Variants in CCDC85A observed in about 807,000 individuals in gnomAD.
The protein encoded by CCDC85A is coiled-coil domain containing 85A.
Under a neutral mutation model 50.2 loss-of-function variants are expected in CCDC85A, and 38 were observed. The ratio of observed to expected loss-of-function variants is 0.76; its 90% CI spans 0.58 to 0.99. CCDC85A has a LOEUF of 0.99. CCDC85A is among the 50% of genes least tolerant of loss of function. CCDC85A has a pLI of 0.00. For synonymous variants in CCDC85A, 366 were observed against 301.4 expected, an observed-to-expected ratio of 1.21 and a Z score of -2.22; for missense variants, 820 against 742.0, an observed-to-expected ratio of 1.11 and a Z score of -1.22.
chr2:56,215,056 G>A (rs191985948), intron 2 of CCDC85A, among the ~76,000 whole-genome samples: 11 of 152,004 alleles, frequency 7.2e-5, no homozygotes, highest in Admixed American at 3.9e-4. Context: ...TCTTTCATCA[G>A]AGTTTTGTAG....
chr2:56,267,292 C>A (rs936054274), intron 2 of CCDC85A, among the ~76,000 whole-genome samples: 6 of 152,038 alleles, frequency 3.9e-5, no homozygotes, highest in African/African-American at 1.5e-4. Flanking sequence ...GCTCCCTGGG[C>A]AGATCTCTTT....
chr2:56,218,394 T>G (rs1668178922), intron 2 of CCDC85A, among the ~76,000 whole-genome samples: 1 of 151,844 alleles, frequency 6.6e-6, no homozygotes, highest in African/African-American at 2.4e-5. Flanking sequence ...GAAAAAACGC[T>G]TAAAATTCAA....
intron 1 of CCDC85A, among the ~76,000 whole-genome samples, chr2:56,187,410 C>G (rs1676096511): frequency 1.3e-5 from 2 of 152,116 alleles, no homozygotes; most frequent in Admixed American, 1.3e-4. Context: ...TTTTCAGGGG[C>G]CTGTGGCCGG....
At chr2:56,276,600 C>G (rs1252646803) in intron 2 of CCDC85A, among the ~76,000 whole-genome samples, 2 of 152,086 alleles carry the variant, frequency 1.3e-5, no homozygotes, top group South Asian at 4.1e-4. Context: ...GTGAGATGTG[C>G]CTTTCACCTT....
At chr2:56,340,507 C>G (rs1674306493) in intron 2 of CCDC85A, among the ~76,000 whole-genome samples, 1 of 152,118 alleles carries the variant, frequency 6.6e-6, no homozygotes, top group South Asian at 2.1e-4. Flanking sequence ...GTTCTTGCCC[C>G]TAATTCGACT....
chr2:56,236,915 G>C (rs1158535719), intron 2 of CCDC85A, among the ~76,000 whole-genome samples: 1 of 152,122 alleles, frequency 6.6e-6, no homozygotes, highest in Non-Finnish European at 1.5e-5. Flanking sequence ...GAAGTAACAA[G>C]GTAGGGCCCC....
intron 2 of CCDC85A, among the ~76,000 whole-genome samples, chr2:56,213,415 G>A (rs1677260418): frequency 6.6e-6 from 1 of 151,962 alleles, no homozygotes; most frequent in Admixed American, 6.6e-5. Context: ...TGGCAAGGTG[G>A]TACTGCAGCT....
At chr2:56,189,399 C>T (rs1260458385) in intron 1 of CCDC85A, among the ~76,000 whole-genome samples, 1 of 149,580 alleles carries the variant, frequency 6.7e-6, no homozygotes, top group Admixed American at 6.8e-5. Context: ...TCAAGCAATT[C>T]TCCTGCCTCA....
intron 2 of CCDC85A, among the ~76,000 whole-genome samples, chr2:56,229,818 G>A (rs1304382102): frequency 6.6e-6 from 1 of 152,128 alleles, no homozygotes; most frequent in Non-Finnish European, 1.5e-5. Flanking sequence ...CCTACCCCGT[G>A]TTTTGTCTGA....
Position 56,316,658 on chromosome 2 carries a change from A to G in CCDC85A, c.1241-26221A>G, listed in dbSNP as rs572730683. On this transcript the variant is annotated intron_variant, in intron 2 of 5. Transcript: ENST00000407595. ...ACAATAACTATTGTAAGGATAAAGC[A>G]AAAAGTGTTGAGAAATTTTTTAGTA... Among the ~76,000 whole-genome samples, 5 of 152,226 alleles carry G rather than the reference A, an allele frequency of 3.3e-5. No homozygotes were observed. In the South Asian group the frequency reaches 1.0e-3, roughly 32 times the overall value.
intron 2 of CCDC85A, among the ~76,000 whole-genome samples, chr2:56,308,901 G>T (rs547561515): frequency 6.6e-6 from 1 of 152,288 alleles, no homozygotes; most frequent in African/African-American, 2.4e-5. Context: ...GGTGGTGACA[G>T]TTGCACCTTT....
intron 2 of CCDC85A, among the ~76,000 whole-genome samples, chr2:56,334,498 C>T (rs888524632): frequency 6.6e-6 from 1 of 152,120 alleles, no homozygotes; most frequent in Non-Finnish European, 1.5e-5. Context: ...ATGTGATTCA[C>T]TGACAGATGA....
At chr2:56,233,356 T>C (rs550622511) in intron 2 of CCDC85A, among the ~76,000 whole-genome samples, 6 of 152,312 alleles carry the variant, frequency 3.9e-5, no homozygotes, top group South Asian at 2.1e-4. Context: ...ACCTTCCTTG[T>C]CTCATCCTTT....
At chr2:56,272,306 A>T (rs1042025162) in intron 2 of CCDC85A, among the ~76,000 whole-genome samples, 1 of 152,174 alleles carries the variant, frequency 6.6e-6, no homozygotes, top group Non-Finnish European at 1.5e-5. Flanking sequence ...ATTACCTACC[A>T]TCCCACAGAG....
rs143807744 is a variant in CCDC85A at position 56,383,810 on chromosome 2, A to G, written c.1573-456A>G. On this transcript the variant is annotated intron_variant, in intron 5 of 5. Coordinates refer to ENST00000407595, the MANE Select transcript of CCDC85A (RefSeq NM_001080433.2). ...ATATCCTTTGTTATGGATGTATAAT[A>G]TAGGAACCAGGATGATCTTGCCAAG... 8.7e-6 allele frequency: 8 copies of G among 915,434 alleles called. No individual in the cohort carries two copies. In the African/African-American group the frequency reaches 1.3e-4, roughly 14 times the overall value. The allele number at this position is 915,434 out of a possible 1,614,324, so 56.7% of individuals were successfully genotyped here. A position where few individuals can be genotyped will look rare whatever the true frequency, so the allele number is the denominator to read the frequency against.
At chr2:56,347,201 C>G (rs999048971) in intron 3 of CCDC85A, among the ~76,000 whole-genome samples, 1 of 152,180 alleles carries the variant, frequency 6.6e-6, no homozygotes, top group Non-Finnish European at 1.5e-5. Flanking sequence ...TTATGTGTCA[C>G]ATAGGACAAC....
intron 2 of CCDC85A, among the ~76,000 whole-genome samples, chr2:56,328,877 A>T (rs929873644): frequency 1.3e-5 from 2 of 151,432 alleles, no homozygotes; most frequent in Admixed American, 6.6e-5. Flanking sequence ...CTCAGTGGTC[A>T]CCCTCTCTCA....
In CCDC85A at chr2:56,193,115, G is replaced by A. The variant is rs1306924329; in HGVS notation, c.915G>A (p.Leu305=). 1.9e-6 allele frequency: 3 copies of A among 1,613,600 alleles called. No homozygotes were observed. Among genetic ancestry groups the A allele is most frequent in the Non-Finnish European group, 2.5e-6 (3 of 1,179,800 alleles). ...ATCCAGGGAGCAGCCCCGAAACGCTGCCCAAGCACGTGCTGAGTGGGAGCC... is the reference window on the plus strand; with the variant it reads ...ATCCAGGGAGCAGCCCCGAAACGCTACCCAAGCACGTGCTGAGTGGGAGCC... ...HPHPGSSPET[L]PKHVLSGSPE... is the part of the protein sequence containing the mutation. Residue 305 remains leucine, a synonymous_variant, in exon 2 of 6, where the codon CTG becomes CTA. Coordinates refer to ENST00000407595, the MANE Select transcript of CCDC85A (RefSeq NM_001080433.2).
At position 56,193,379 on chromosome 2, in the gene CCDC85A, C is replaced by T. The variant is rs777550693; in HGVS notation, c.1179C>T (p.Leu393=). 6.2e-7 allele frequency: 1 copy of T among 1,611,380 alleles called. No homozygotes were observed. Among genetic ancestry groups the T allele is most frequent in the Non-Finnish European group, 8.5e-7 (1 of 1,178,730 alleles). Residue 393 remains leucine (L), a synonymous_variant, in exon 2 of 6, where the codon CTC becomes CTT. Coordinates refer to ENST00000407595, the MANE Select transcript of CCDC85A (RefSeq NM_001080433.2). ...GSGGGSREGT[L]RRQAQEDGSP... ...GCGGAGGCAGCAGGGAGGGCACCCT[C>T]AGACGGCAGGCACAGGAGGACGGGT...
Sources: gnomAD v4.1 joint callset for allele counts (sites outside exome capture counted in the v4.1 genomes callset) on GRCh38, gnomAD v4.1.1 for gene constraint, MANE v1.5 for transcripts, NCBI Gene and HGNC (gene_info 2026-07-23, HGNC 2026-07-21) for gene names.